The following SORBS2 variants were observed in gnomAD, a reference collection of about 807,000 sequenced individuals.
The protein encoded by SORBS2 is sorbin and SH3 domain-containing protein 2.
In SORBS2, 46 loss-of-function variants were observed where a neutral mutation model predicts 97.7. That is an observed-to-expected ratio of 0.47 (90% CI 0.37 to 0.60). The LOEUF (loss-of-function observed/expected upper bound fraction) is 0.60. SORBS2 is among the 20% of genes least tolerant of loss of function. The probability of loss-of-function intolerance (pLI) is 0.00; values close to 1 mark genes in which losing one functional copy is unlikely to be tolerated. For synonymous variants in SORBS2, 476 were observed against 473.4 expected, an observed-to-expected ratio of 1.01 and a Z score of -0.07; for missense variants, 1,316 against 1,282.3, an observed-to-expected ratio of 1.03 and a Z score of -0.40.
chr4:185,716,551 C>T (rs1031753439), intron 2 of SORBS2, among the ~76,000 whole-genome samples: 8 of 152,196 alleles, frequency 5.3e-5, no homozygotes, highest in African/African-American at 1.7e-4. Flanking sequence ...TGCCTTGGTC[C>T]CTCATTCAAA....
At chr4:185,949,524 C>A (rs2099276156) in intron 1 of SORBS2, among the ~76,000 whole-genome samples, 2 of 151,922 alleles carry the variant, frequency 1.3e-5, no homozygotes, top group African/African-American at 2.4e-5. Flanking sequence ...CACGTGATTG[C>A]AACCACACTT....
At chr4:185,610,095 T>C (rs990556081) in intron 12 of SORBS2, among the ~76,000 whole-genome samples, 3 of 152,218 alleles carry the variant, frequency 2.0e-5, no homozygotes, top group African/African-American at 7.2e-5. Flanking sequence ...ACAGTTAAAT[T>C]GTATTCACAT....
intron 1 of SORBS2, among the ~76,000 whole-genome samples, chr4:185,853,990 A>G (rs2099219357): frequency 6.6e-6 from 1 of 152,226 alleles, no homozygotes; most frequent in Admixed American, 6.5e-5. Context: ...AGTCTCTGAA[A>G]TGAAATACTC....
intron 1 of SORBS2, among the ~76,000 whole-genome samples, chr4:185,840,836 G>C (rs1008016909): frequency 6.6e-6 from 1 of 152,104 alleles, no homozygotes; most frequent in South Asian, 2.1e-4. Context: ...TCACTAGGAG[G>C]GAGGCAGACC....
At chr4:185,676,088 C>T (rs536996608) in intron 4 of SORBS2, among the ~76,000 whole-genome samples, 1 of 152,164 alleles carries the variant, frequency 6.6e-6, no homozygotes, top group African/African-American at 2.4e-5. Flanking sequence ...TTAACACTAG[C>T]GCTGTTGCTG....
chr4:185,806,495 T>C (rs1424475366), intron 1 of SORBS2, among the ~76,000 whole-genome samples: 2 of 128,874 alleles, frequency 1.6e-5, no homozygotes, highest in Admixed American at 8.7e-5. Flanking sequence ...TCTCGCTCTG[T>C]CGCCCAGGCT....
At chr4:185,831,170 A>C (rs2153673602) in intron 1 of SORBS2, among the ~76,000 whole-genome samples, 1 of 152,314 alleles carries the variant, frequency 6.6e-6, no homozygotes, top group Non-Finnish European at 1.5e-5. Context: ...AACTGGGATG[A>C]TTTAGTCATT....
At position 185,832,553 on chromosome 4, in the gene SORBS2, A is replaced by G. The variant is rs79333706; in HGVS notation, c.-337-57187T>C. On this transcript the variant is annotated intron_variant, in intron 1 of 20. Coordinates refer to the SORBS2 transcript ENST00000284776. ...GGTTTGGTCACAATTTGTTTTGGTT[A>G]TTATAGGTTAAAGCAGAATCCAGTG... Among the ~76,000 whole-genome samples, 43 of 152,338 alleles carry G rather than the reference A, an allele frequency of 2.8e-4. 1 individual carries two copies. In the East Asian group the frequency reaches 7.9e-3, roughly 28 times the overall value.
At position 185,867,701 on chromosome 4, in the gene SORBS2, G is replaced by A. The variant is rs374327254; in HGVS notation, c.-338+88495C>T. The stretch of plus-strand genomic sequence containing the variant: ...CCTGTCATGCAAAGGTCCTGACACC[G>A]GTCTAGGCTAGGATTGAAGGGAGGT... On this transcript the variant is annotated intron_variant, in intron 1 of 20. Transcript: ENST00000284776. 4.6e-5 allele frequency among the ~76,000 whole-genome samples: 7 copies of A among 152,252 alleles called. No homozygotes were observed. In the East Asian group the frequency reaches 9.7e-4, roughly 21 times the overall value.
intron 2 of SORBS2, among the ~76,000 whole-genome samples, chr4:185,700,510 G>A (rs2098245710): frequency 6.6e-6 from 1 of 152,052 alleles, no homozygotes. Flanking sequence ...TAGGGTTAAT[G>A]CTCTTAAATA....
chr4:185,605,477 T>G (rs914257650), intron 12 of SORBS2, among the ~76,000 whole-genome samples: 2 of 150,872 alleles, frequency 1.3e-5, no homozygotes, highest in African/African-American at 4.9e-5. Context: ...GAGATGGGGG[T>G]TTTACCATGT....
chr4:185,587,485 T>C (rs1228819765), exon 15 of SORBS2: 2 of 687,696 alleles, frequency 2.9e-6, no homozygotes, highest in African/African-American at 1.8e-5. Context: ...GCTACTCTGC[T>C]GGTGGTTTGG....
intron 2 of SORBS2, among the ~76,000 whole-genome samples, chr4:185,703,074 T>G (rs543954855): frequency 1.3e-5 from 2 of 152,350 alleles, no homozygotes; most frequent in African/African-American, 4.8e-5. Context: ...ACAACCAAGC[T>G]GTCTCCCTCT....
chr4:185,907,781 G>A lies in SORBS2; in HGVS notation c.-338+48415C>T, dbSNP rs116358589. 7.2e-3 allele frequency among the ~76,000 whole-genome samples: 1,089 copies of A among 152,140 alleles called. 7 individuals carry two copies. Among genetic ancestry groups the A allele is most frequent in the Non-Finnish European group, 0.012 (843 of 68,004 alleles). ...CTCCTTCCCTCTCTCCTTCCTGTGCGTGTATTTAAATTGCACAATTCAGTT... is the reference window on the plus strand; with the variant it reads ...CTCCTTCCCTCTCTCCTTCCTGTGCATGTATTTAAATTGCACAATTCAGTT... On this transcript the variant is annotated intron_variant, in intron 1 of 20. Transcript: ENST00000284776.
chr4:185,930,546 C>T (rs1050896423), intron 1 of SORBS2, among the ~76,000 whole-genome samples: 5 of 152,168 alleles, frequency 3.3e-5, no homozygotes, highest in Admixed American at 6.5e-5. Context: ...GATCCGCCTG[C>T]CTCGGCCTCC....
At chr4:185,823,168 T>C (rs183107586) in intron 1 of SORBS2, among the ~76,000 whole-genome samples, 287 of 152,326 alleles carry the variant, frequency 1.9e-3, no homozygotes, top group Non-Finnish European at 3.4e-3. Flanking sequence ...CCTTCCTTCT[T>C]TCCCCTCCGG....
upstream of SORBS2, chr4:185,657,526 G>A (rs1441535579): frequency 7.6e-6 from 12 of 1,586,020 alleles, no homozygotes; most frequent in East Asian, 2.8e-4. Context: ...CTGAGGATCG[G>A]TACAGGGGGA....
intron 2 of SORBS2, among the ~76,000 whole-genome samples, chr4:185,652,049 C>A (rs1228625836): frequency 6.6e-6 from 1 of 152,098 alleles, no homozygotes; most frequent in Non-Finnish European, 1.5e-5. Flanking sequence ...ACTGCAGCCT[C>A]CAAACCTCCA....
At chr4:185,639,133 G>T in intron 4 of SORBS2, 98 bp from the exon 14 acceptor site, 1 of 1,160,358 alleles carries the variant, frequency 8.6e-7, no homozygotes, top group Non-Finnish European at 1.2e-6. Flanking sequence ...GCGTTAGGCC[G>T]GGAGGGGAGA....
Sources: allele counts gnomAD v4.1 joint callset (sites outside exome capture counted in the v4.1 genomes callset), GRCh38; gene constraint gnomAD v4.1.1; transcripts MANE v1.5; gene names NCBI Gene and HGNC (gene_info 2026-07-23, HGNC 2026-07-21).